The following DTNA variants were observed in gnomAD, a reference collection of about 807,000 sequenced individuals.
DTNA encodes dystrophin-related protein 3.
Under a neutral mutation model 100.7 loss-of-function variants are expected in DTNA, and 43 were observed. The observed-to-expected ratio is 0.43, with a 90% CI of 0.33 to 0.55. The LOEUF is 0.55. Among genes scored for constraint, DTNA ranks in the 20% least tolerant of loss-of-function variants. The pLI is 0.04. For missense variants in DTNA, 798 were observed against 953.9 expected, an observed-to-expected ratio of 0.84 and a Z score of 2.15; for synonymous variants, 349 against 347.9, an observed-to-expected ratio of 1.00 and a Z score of -0.04.
intron 1 of DTNA, among the ~76,000 whole-genome samples, chr18:34,566,069 A>T (rs2047056100): frequency 6.6e-6 from 1 of 151,978 alleles, no homozygotes; most frequent in Admixed American, 6.6e-5. Flanking sequence ...GGTGGACATA[A>T]GTCTAGTAAT....
intron 1 of DTNA, among the ~76,000 whole-genome samples, chr18:34,591,032 A>T (rs1299444227): frequency 6.6e-6 from 1 of 152,196 alleles, no homozygotes; most frequent in Non-Finnish European, 1.5e-5. Context: ...TGCACTATAA[A>T]GAGTGGCCAG....
intron 1 of DTNA, among the ~76,000 whole-genome samples, chr18:34,592,690 G>A (rs2049875800): frequency 6.6e-6 from 1 of 151,948 alleles, no homozygotes; most frequent in African/African-American, 2.4e-5. Context: ...CCAAAACACT[G>A]GCAAGCAGGC....
chr18:34,721,273 A>G (rs2085257530), intron 1 of DTNA, among the ~76,000 whole-genome samples: 1 of 152,216 alleles, frequency 6.6e-6, no homozygotes, highest in Admixed American at 6.5e-5. Flanking sequence ...TATTACAAAT[A>G]AAGAACTCTT....
intron 14 of DTNA, among the ~76,000 whole-genome samples, chr18:34,849,233 A>G (rs909077495): frequency 5.9e-5 from 9 of 152,238 alleles, no homozygotes; most frequent in African/African-American, 1.7e-4. Context: ...AACATGTTAA[A>G]GAAAATTAAA....
intron 1 of DTNA, among the ~76,000 whole-genome samples, chr18:34,672,491 C>T (rs1005118093): frequency 6.6e-6 from 1 of 152,006 alleles, no homozygotes; most frequent in Non-Finnish European, 1.5e-5. Flanking sequence ...CAAAATAAAC[C>T]TTAATATAAA....
chr18:34,555,354 G>GT (rs938300955), intron 1 of DTNA, among the ~76,000 whole-genome samples: 2 of 150,024 alleles, frequency 1.3e-5, no homozygotes, highest in Admixed American at 6.6e-5. Context: ...TTTTTGAAAG[G>GT]TTTTTTGTGT....
intron 1 of DTNA, among the ~76,000 whole-genome samples, chr18:34,571,552 G>A (rs1189055561): frequency 2.0e-5 from 3 of 151,968 alleles, no homozygotes; most frequent in Non-Finnish European, 4.4e-5. Context: ...AGACCAGCCC[G>A]AGCAACATAG....
chr18:34,724,266 A>G (rs1796240286), intron 1 of DTNA, among the ~76,000 whole-genome samples: 2 of 152,212 alleles, frequency 1.3e-5, no homozygotes, highest in South Asian at 4.1e-4. Context: ...TTATGTACAG[A>G]ATGTCTTTTA....
intron 1 of DTNA, among the ~76,000 whole-genome samples, chr18:34,531,579 A>C (rs940333303): frequency 6.6e-6 from 1 of 152,112 alleles, no homozygotes; most frequent in South Asian, 2.1e-4. Context: ...ATTGGGCTAC[A>C]TTCTATGTAA....
intron 20 of DTNA, 56 bp downstream of exon 20, chr18:34,879,775 C>A: frequency 6.2e-7 from 1 of 1,603,770 alleles, no homozygotes; most frequent in Non-Finnish European, 8.5e-7. Flanking sequence ...CTGTAGGAGA[C>A]AATAAGAAAG....
intron 1 of DTNA, among the ~76,000 whole-genome samples, chr18:34,629,471 A>G (rs1307894536): frequency 6.6e-6 from 1 of 152,164 alleles, no homozygotes; most frequent in Non-Finnish European, 1.5e-5. Flanking sequence ...CCTAATGAAT[A>G]TGGTACTTTC....
intron 9 of DTNA, among the ~76,000 whole-genome samples, chr18:34,826,991 A>G (rs1602784915): frequency 6.6e-6 from 1 of 152,210 alleles, no homozygotes; most frequent in South Asian, 2.1e-4. Context: ...AGCTTATGGG[A>G]TGCTGTACAC....
chr18:34,820,575 T>G (rs775682157), intron 8 of DTNA, among the ~76,000 whole-genome samples: 41 of 152,214 alleles, frequency 2.7e-4, no homozygotes, highest in Non-Finnish European at 5.7e-4. Context: ...GCACAATGCC[T>G]GCTTCCATTT....
chr18:34,784,965 G>C (rs113562736), intron 3 of DTNA, among the ~76,000 whole-genome samples: 21,080 of 145,634 alleles, frequency 0.14, 1,568 homozygotes, highest in African/African-American at 0.18. Flanking sequence ...ATGGAGTCTT[G>C]CTCTGTCGCC....
chr18:34,538,571 A>C (rs1472935932), intron 1 of DTNA, among the ~76,000 whole-genome samples: 1 of 152,018 alleles, frequency 6.6e-6, no homozygotes, highest in Admixed American at 6.6e-5. Flanking sequence ...GGAAGTTAAT[A>C]ACCTGTTTGT....
intron 1 of DTNA, among the ~76,000 whole-genome samples, chr18:34,621,932 A>T (rs2056578612): frequency 1.3e-5 from 2 of 152,196 alleles, no homozygotes; most frequent in Admixed American, 1.3e-4. Flanking sequence ...TATACGATTT[A>T]TATTTGTCAA....
At chr18:34,745,915 A>C (rs959454879) in intron 1 of DTNA, among the ~76,000 whole-genome samples, 26 of 152,188 alleles carry the variant, frequency 1.7e-4, no homozygotes, top group African/African-American at 6.3e-4. Context: ...AATCTTTAAA[A>C]TATAGACAGG....
At chr18:34,794,307 T>A in intron 4 of DTNA, 57 bp downstream of exon 4, 1 of 1,599,656 alleles carries the variant, frequency 6.3e-7, no homozygotes, top group Non-Finnish European at 8.6e-7. Flanking sequence ...ACTTCCTGTC[T>A]TACTTGGTCT....
chr18:34,752,866 T>G (rs1488097805), intron 1 of DTNA, among the ~76,000 whole-genome samples: 1 of 152,232 alleles, frequency 6.6e-6, no homozygotes, highest in Non-Finnish European at 1.5e-5. Context: ...TTCAACTTCT[T>G]CATAAGACTT....
Sources: gnomAD v4.1 joint callset for allele counts (sites outside exome capture counted in the v4.1 genomes callset) on GRCh38, gnomAD v4.1.1 for gene constraint, MANE v1.5 for transcripts, NCBI Gene and HGNC (gene_info 2026-07-23, HGNC 2026-07-21) for gene names.